Variants in CACNA1D observed in about 807,000 individuals in gnomAD.
CACNA1D encodes the protein voltage-dependent L-type calcium channel subunit alpha-1D.
CACNA1D carries 55 observed loss-of-function variants against 257.1 expected under a neutral mutation model. That is an observed-to-expected ratio of 0.21 (90% CI 0.17 to 0.27). CACNA1D has a LOEUF of 0.27. Among genes scored for constraint, CACNA1D ranks in the 10% least tolerant of loss-of-function variants. CACNA1D has a pLI of 1.00. For missense variants in CACNA1D, 1,876 were observed against 2,784.0 expected, an observed-to-expected ratio of 0.67 and a Z score of 7.34; for synonymous variants, 980 against 1,014.9, an observed-to-expected ratio of 0.97 and a Z score of 0.65.
At chr3:53,572,361 T>G (rs976094241) in intron 3 of CACNA1D, among the ~76,000 whole-genome samples, 7 of 33,640 alleles carry the variant, frequency 2.1e-4, no homozygotes, top group African/African-American at 4.1e-4. Flanking sequence ...GCCTCTGGTT[T>G]GTTTGTTTGT....
At chr3:53,804,576 G>T (rs1033547330) in intron 44 of CACNA1D, among the ~76,000 whole-genome samples, 2 of 152,106 alleles carry the variant, frequency 1.3e-5, no homozygotes, top group Non-Finnish European at 2.9e-5. Context: ...TTTGATTTCT[G>T]TGTGCTCATG....
chr3:53,767,928 T>A (rs570239804), intron 30 of CACNA1D, among the ~76,000 whole-genome samples: 6 of 152,348 alleles, frequency 3.9e-5, no homozygotes, highest in Admixed American at 2.0e-4. Flanking sequence ...GTGTGCTGTT[T>A]GCTCTTTCCT....
At chr3:53,687,119 T>G (rs1334252232) in intron 8 of CACNA1D, among the ~76,000 whole-genome samples, 1 of 152,038 alleles carries the variant, frequency 6.6e-6, no homozygotes, top group Admixed American at 6.5e-5. Flanking sequence ...AAAACACTGA[T>G]TAGTAAAATT....
chr3:53,652,253 C>T (rs1196510573), intron 4 of CACNA1D, among the ~76,000 whole-genome samples: 1 of 152,100 alleles, frequency 6.6e-6, no homozygotes, highest in Non-Finnish European at 1.5e-5. Flanking sequence ...CCATTTCTTG[C>T]GTCACCGTGC....
intron 2 of CACNA1D, among the ~76,000 whole-genome samples, chr3:53,499,956 T>C (rs1394763573): frequency 6.6e-6 from 1 of 151,804 alleles, no homozygotes; most frequent in Non-Finnish European, 1.5e-5. Flanking sequence ...ATTAGATGAG[T>C]TGAGAGAACC....
intron 3 of CACNA1D, among the ~76,000 whole-genome samples, chr3:53,606,840 C>T (rs2093517253): frequency 1.3e-5 from 2 of 152,202 alleles, no homozygotes; most frequent in African/African-American, 4.8e-5. Flanking sequence ...CAATTCCTGA[C>T]CCAGGCAAAC....
At chr3:53,652,009 G>A (rs920225379) in intron 4 of CACNA1D, among the ~76,000 whole-genome samples, 2 of 152,146 alleles carry the variant, frequency 1.3e-5, no homozygotes, top group African/African-American at 4.8e-5. Context: ...TGGGAAACAA[G>A]TTAGCTTTTC....
chr3:53,702,084 C>G (rs1283979874), intron 8 of CACNA1D, among the ~76,000 whole-genome samples: 2 of 152,204 alleles, frequency 1.3e-5, no homozygotes, highest in African/African-American at 2.4e-5. Context: ...TGGCCCGAAC[C>G]TGCAGGTGAT....
In CACNA1D at chr3:53,800,826, C is replaced by T. The variant is rs1227376458; in HGVS notation, c.5041-232C>T. 1 of 602,410 alleles carries T rather than the reference C, an allele frequency of 1.7e-6. No individual in the cohort carries two copies. The highest frequency in any genetic ancestry group is 1.9e-5 in the African/African-American group (1 of 53,980). 37.3% of individuals were successfully genotyped at this position (602,410 alleles called of 1,614,324 possible). On this transcript the variant is annotated intron_variant, in intron 41 of 47. Coordinates refer to ENST00000350061, the MANE Select transcript of CACNA1D (RefSeq NM_001128840.3). The surrounding 1 kb of genome is among the most constrained non-coding windows in gnomAD (Gnocchi z 4.3). Reference sequence around the variant, plus strand: ...CAACTGGAAGAGCACACTCGAGTGACAGCCGACAGCTTGCTCCCCAGCTCA... The same window carrying T: ...CAACTGGAAGAGCACACTCGAGTGATAGCCGACAGCTTGCTCCCCAGCTCA...
intron 20 of CACNA1D, among the ~76,000 whole-genome samples, chr3:53,738,445 A>G (rs2095080535): frequency 6.6e-6 from 1 of 152,182 alleles, no homozygotes. Flanking sequence ...AGATGCCCCA[A>G]TAGAAGAAAG....
At chr3:53,750,306 A>G (rs990988020) in intron 27 of CACNA1D, among the ~76,000 whole-genome samples, 7 of 152,204 alleles carry the variant, frequency 4.6e-5, no homozygotes, top group Non-Finnish European at 7.3e-5. Flanking sequence ...AATCGAGGGC[A>G]TTAAGGAGCT....
intron 3 of CACNA1D, among the ~76,000 whole-genome samples, chr3:53,551,965 G>C (rs2092543933): frequency 1.3e-5 from 2 of 152,212 alleles, no homozygotes; most frequent in Admixed American, 1.3e-4. Context: ...TATAGTTTGA[G>C]TACTAGGTGG....
At chr3:53,707,351 C>T (rs2094701207) in intron 9 of CACNA1D, among the ~76,000 whole-genome samples, 2 of 152,060 alleles carry the variant, frequency 1.3e-5, no homozygotes, top group Admixed American at 1.3e-4. Context: ...AGCTAGGGTT[C>T]AGAACTCCTG....
intron 3 of CACNA1D, among the ~76,000 whole-genome samples, chr3:53,523,544 T>A (rs1283855932): frequency 6.6e-6 from 1 of 152,208 alleles, no homozygotes; most frequent in Non-Finnish European, 1.5e-5. Flanking sequence ...CGCTTCGCCA[T>A]AGGCACATTC....
Position 53,731,014 on chromosome 3 carries a change from T to C in CACNA1D, c.2337-63T>C, listed in dbSNP as rs567071425. The C allele has an allele frequency of 8.1e-6, 8 of 993,782 alleles. No individual in the cohort carries two copies. In the Admixed American group the frequency reaches 9.2e-5, roughly 11 times the overall value. 61.6% of individuals were successfully genotyped at this position (993,782 alleles called of 1,614,324 possible). A position where few individuals can be genotyped will look rare whatever the true frequency, so the allele number is the denominator to read the frequency against. On this transcript the variant is annotated intron_variant, in intron 16 of 47. Coordinates refer to ENST00000350061, the MANE Select transcript of CACNA1D (RefSeq NM_001128840.3). ...AGCATTATTGATTCAGAATCCTGAT[T>C]AGCATTTTTATACAGAGTAACATGG...
intron 23 of CACNA1D, among the ~76,000 whole-genome samples, chr3:53,745,205 C>T (rs1410862743): frequency 1.3e-5 from 2 of 150,586 alleles, no homozygotes; most frequent in African/African-American, 4.9e-5. Context: ...CCTTTGGGCC[C>T]ATGTGCCAGG....
intron 3 of CACNA1D, among the ~76,000 whole-genome samples, chr3:53,560,418 G>C (rs1312509546): frequency 6.6e-6 from 1 of 152,164 alleles, no homozygotes; most frequent in Admixed American, 6.6e-5. Context: ...ATCAAATCCT[G>C]CATAGAGTGG....
intron 29 of CACNA1D, among the ~76,000 whole-genome samples, chr3:53,760,950 T>C (rs550706747): frequency 1.3e-5 from 2 of 152,252 alleles, no homozygotes; most frequent in East Asian, 3.9e-4. Context: ...TTGGTAGAGC[T>C]GCAGACAAAG....
intron 3 of CACNA1D, among the ~76,000 whole-genome samples, chr3:53,511,551 C>G (rs556242621): frequency 2.6e-5 from 4 of 152,016 alleles, no homozygotes; most frequent in Non-Finnish European, 5.9e-5. Flanking sequence ...AGAAATGCCG[C>G]GCAAGCAGAT....
Sources: allele counts gnomAD v4.1 joint callset (sites outside exome capture counted in the v4.1 genomes callset), GRCh38; gene constraint gnomAD v4.1.1; non-coding constraint Gnocchi (gnomAD v3.1); transcripts MANE v1.5; gene names NCBI Gene and HGNC (gene_info 2026-07-23, HGNC 2026-07-21).